Variants in SCAMP2 observed in about 807,000 individuals in gnomAD.
The protein encoded by SCAMP2 is secretory carrier-associated membrane protein 2.
SCAMP2 carries 25 observed loss-of-function variants against 44.1 expected under a neutral mutation model. The ratio of observed to expected loss-of-function variants is 0.57; its 90% confidence interval spans 0.41 to 0.79. The LOEUF is 0.79. Ranked by LOEUF, SCAMP2 falls within the 30% of genes least tolerant of loss-of-function variation. The pLI is 0.00. For missense variants in SCAMP2, 355 were observed against 411.0 expected (o/e 0.86, Z 1.18); for synonymous variants, 156 against 166.0 (o/e 0.94, Z 0.46).
intron 5 of SCAMP2, among the ~76,000 whole-genome samples, chr15:74,850,889 G>A (rs574407034): frequency 1.3e-5 from 2 of 152,338 alleles, no homozygotes; most frequent in African/African-American, 4.8e-5. Context: ...GAGGTGATGG[G>A]ACAGCCCGGG....
At chr15:74,861,900 C>CAAAAAAAAAAAAAAAAA (rs71140103) in intron 1 of SCAMP2, among the ~76,000 whole-genome samples, 1 of 44,296 alleles carries the variant, frequency 2.3e-5, no homozygotes, top group African/African-American at 7.4e-5. Flanking sequence ...GACTCTGTCT[C>CAAAAAAAAAAAAAAAAA]AAAAAAAAAA....
At chr15:74,859,293 T>C (rs1024504893) in intron 1 of SCAMP2, among the ~76,000 whole-genome samples, 6 of 152,168 alleles carry the variant, frequency 3.9e-5, no homozygotes, top group African/African-American at 7.2e-5. Context: ...GTGAGGAACA[T>C]ACCACAATGC....
chr15:74,854,534 C>G (rs773909178), intron 2 of SCAMP2, 47 bp downstream of exon 2: 59 of 1,505,202 alleles, frequency 3.9e-5, no homozygotes, highest in Non-Finnish European at 5.3e-5. Context: ...CACCCCAGCA[C>G]CACCCTAGAG....
In SCAMP2 at chr15:74,850,630, G is replaced by A. The variant is rs1289745215; in HGVS notation, c.516C>T (p.Ala172=). 1 of 1,614,040 alleles carries A rather than the reference G, an allele frequency of 6.2e-7. No homozygotes were observed. The highest frequency in any genetic ancestry group is 8.5e-7 in the Non-Finnish European group (1 of 1,180,008). ...CCTTGGAGCTGTTGCCCGAGAACCA[G>A]GCCAGGCAGGCAAGCAGGTTCAGAA... is the stretch of plus-strand genomic sequence containing the variant. ...TLFLNLLACL[A]WFSGNSSKGV... The change falls in exon 6 of 9, where the codon GCC becomes GCT. Residue 172 remains alanine (A), a synonymous_variant. Transcript: ENST00000268099.
At chr15:74,846,454 A>AC (rs1017610533) in intron 7 of SCAMP2, among the ~76,000 whole-genome samples, 1 of 105,070 alleles carries the variant, frequency 9.5e-6, no homozygotes, top group African/African-American at 2.6e-5. Flanking sequence ...TCCAAAAAAA[A>AC]AAAAAAAAGA....
At position 74,845,213 on chromosome 15, in the gene SCAMP2, T is replaced by C. The variant is rs748768188; in HGVS notation, c.860A>G (p.His287Arg). ...VLSVFLLQRV[H>R]SLYRRTGASF... is the part of the protein sequence containing the mutation. ...GGCCCCTGTCCGTCGGTAGAGGGAG[T>C]GCACCTGGCGAAGAGGGGTGGGGTG... Residue 287 changes from histidine (H) to arginine (R), a missense_variant, in exon 9 of 9, where the codon CAC becomes CGC. Coordinates refer to ENST00000268099, the MANE Select transcript of SCAMP2 (RefSeq NM_005697.5). 1 of 1,612,296 alleles carries C rather than the reference T, an allele frequency of 6.2e-7. No individual in the cohort carries two copies. The highest frequency in any genetic ancestry group is 1.7e-5 in the Admixed American group (1 of 59,962).
At chr15:74,862,898 AT>A (rs1258178732) in intron 1 of SCAMP2, among the ~76,000 whole-genome samples, 2 of 143,754 alleles carry the variant, frequency 1.4e-5, no homozygotes, top group Non-Finnish European at 3.0e-5. Context: ...ACACACACAC[AT>A]ATTTTTAAAA....
chr15:74,870,332 A>G (rs901818505), intron 1 of SCAMP2, among the ~76,000 whole-genome samples: 1 of 152,236 alleles, frequency 6.6e-6, no homozygotes, highest in Non-Finnish European at 1.5e-5. Context: ...GCCCTCTGCT[A>G]ACACTGGAGC....
At chr15:74,859,042 T>C (rs931120217) in intron 1 of SCAMP2, among the ~76,000 whole-genome samples, 1 of 151,890 alleles carries the variant, frequency 6.6e-6, no homozygotes, top group East Asian at 1.9e-4. Flanking sequence ...TTTCCTGACC[T>C]TGTGATCCGC....
chr15:74,855,125 A>G (rs1176616457), intron 1 of SCAMP2, among the ~76,000 whole-genome samples: 1 of 151,472 alleles, frequency 6.6e-6, no homozygotes, highest in African/African-American at 2.4e-5. Context: ...TTTTTTCGAG[A>G]CAGAGTCTTG....
intron 4 of SCAMP2, 78 bp downstream of exon 4, chr15:74,851,991 G>T: frequency 1.1e-6 from 1 of 946,984 alleles, no homozygotes; most frequent in Non-Finnish European, 1.5e-6. Context: ...GGTGAATGCT[G>T]GGAGGCCCTC....
chr15:74,854,178 G>A, intron 2 of SCAMP2, 59 bp from the exon 3 acceptor site: 1 of 1,465,648 alleles, frequency 6.8e-7, no homozygotes, highest in Non-Finnish European at 9.6e-7. Context: ...GGTGACGAGG[G>A]GGCAAACCCA....
At position 74,844,203 on chromosome 15, in the gene SCAMP2, A is replaced by AGGGGGGG. The variant is rs375483317; in HGVS notation, c.*873_*879dup. 1.5e-5 allele frequency: 1 copy of AGGGGGGG among 67,062 alleles called. No individual in the cohort carries two copies. The highest frequency in any genetic ancestry group is 1.4e-4 in the Admixed American group (1 of 7,108). 4.2% of individuals were successfully genotyped at this position (67,062 alleles called of 1,614,324 possible). On this transcript the variant is annotated 3_prime_UTR_variant, in exon 9 of 9. Coordinates refer to ENST00000268099, the MANE Select transcript of SCAMP2 (RefSeq NM_005697.5). ...AAGGCAGCCGTCCCTCGGTTCGGGG[A>AGGGGGGG]GGGGGGGGGGTAGTCACAGCAAACA...
In SCAMP2 at chr15:74,873,331, A is replaced by G; in HGVS notation, c.-76T>C. The G allele has an allele frequency of 7.8e-7, 1 of 1,277,328 alleles. No homozygotes were observed. Among genetic ancestry groups the G allele is most frequent in the Non-Finnish European group, 1.0e-6 (1 of 974,996 alleles). The allele number at this position is 1,277,328 out of a possible 1,614,324, so 79.1% of individuals were successfully genotyped here. On this transcript the variant is annotated 5_prime_UTR_variant, in exon 1 of 9. Coordinates refer to ENST00000268099, the MANE Select transcript of SCAMP2 (RefSeq NM_005697.5). ...ACCCAGACCCAGCGGCGCTTCGTGT[A>G]GACCCTCCACTTCCGGGAGCGAGGC... is the stretch of plus-strand genomic sequence containing the variant.
chr15:74,873,140 G>C (rs2064588688), intron 1 of SCAMP2, 59 bp downstream of exon 1: 8 of 1,349,448 alleles, frequency 5.9e-6, no homozygotes, highest in Non-Finnish European at 6.8e-6. Context: ...GAGAGGCCCG[G>C]GCGGCGGCCG....
chr15:74,850,419 C>T (rs2064427444), intron 6 of SCAMP2, 95 bp downstream of exon 6: 1 of 1,117,962 alleles, frequency 8.9e-7, no homozygotes, highest in East Asian at 2.4e-5. Context: ...CTATTCTGCT[C>T]TAAGACTCAG....
intron 1 of SCAMP2, among the ~76,000 whole-genome samples, chr15:74,855,920 A>G (rs1277482660): frequency 6.6e-6 from 1 of 152,080 alleles, no homozygotes; most frequent in African/African-American, 2.4e-5. Flanking sequence ...TCAGAACACA[A>G]CCTTGTCTCC....
At chr15:74,850,379 G>A (rs2064427317) in intron 6 of SCAMP2, 135 bp downstream of exon 6, 2 of 882,204 alleles carry the variant, frequency 2.3e-6, no homozygotes, top group Non-Finnish European at 3.5e-6. Context: ...CAGAGGAACA[G>A]AATGTAGGGA....
chr15:74,844,742 A>C lies in SCAMP2; in HGVS notation c.*341T>G. 1 of 197,654 alleles carries C rather than the reference A, an allele frequency of 5.1e-6. No individual in the cohort carries two copies. The highest frequency in any genetic ancestry group is 1.0e-5 in the Non-Finnish European group (1 of 95,604). The allele number at this position is 197,654 out of a possible 1,614,324, so 12.2% of individuals were successfully genotyped here. On this transcript the variant is annotated 3_prime_UTR_variant, in exon 9 of 9. Coordinates refer to ENST00000268099, the MANE Select transcript of SCAMP2 (RefSeq NM_005697.5). The stretch of plus-strand genomic sequence containing the variant: ...ACCCTGGCAGAAAGCTCCAGCTGGG[A>C]TGGGCCCAGGTCAGCCTGTGATCCC...
Sources: allele counts gnomAD v4.1 joint callset (sites outside exome capture counted in the v4.1 genomes callset), GRCh38; gene constraint gnomAD v4.1.1; transcripts MANE v1.5; gene names NCBI Gene and HGNC (gene_info 2026-07-23, HGNC 2026-07-21).